Variants in FAM169A observed in about 807,000 individuals in gnomAD.
FAM169A encodes soluble lamin-associated protein of 75 kDa.
In FAM169A, 24 loss-of-function variants were observed where a neutral mutation model predicts 75.7. The observed-to-expected ratio is 0.32, with a 90% CI of 0.23 to 0.45. The LOEUF (loss-of-function observed/expected upper bound fraction) is 0.45, where lower values mean the gene tolerates loss of function less well. Ranked by LOEUF, FAM169A falls within the 20% of genes least tolerant of loss-of-function variation. FAM169A has a pLI of 1.00. For missense variants in FAM169A, 673 were observed against 784.0 expected (o/e 0.86, Z 1.69); for synonymous variants, 271 against 271.0 (o/e 1.00, Z 0.00).
chr5:74,793,096 G>A (rs1746061976), intron 11 of FAM169A, among the ~76,000 whole-genome samples: 1 of 152,112 alleles, frequency 6.6e-6, no homozygotes, highest in Non-Finnish European at 1.5e-5. Context: ...GGAGGCCGAG[G>A]TGGGTGGATC....
chr5:74,818,297 C>A (rs995816275), intron 5 of FAM169A, among the ~76,000 whole-genome samples: 1 of 151,716 alleles, frequency 6.6e-6, no homozygotes, highest in Non-Finnish European at 1.5e-5. Flanking sequence ...AGGGCTCTTA[C>A]AACTCAAAAA....
chr5:74,843,607 T>C (rs1479234376), intron 1 of FAM169A, among the ~76,000 whole-genome samples: 2 of 152,184 alleles, frequency 1.3e-5, no homozygotes, highest in African/African-American at 2.4e-5. Flanking sequence ...CATTGGTCTA[T>C]CTTATTTTTA....
At chr5:74,856,206 C>T (rs1405185687) in intron 1 of FAM169A, among the ~76,000 whole-genome samples, 1 of 152,138 alleles carries the variant, frequency 6.6e-6, no homozygotes, top group African/African-American at 2.4e-5. Context: ...AATCTGAGGT[C>T]AGATAATGTG....
At position 74,840,093 on chromosome 5, in the gene FAM169A, T is replaced by G; in HGVS notation, c.213A>C (p.Ala71=). ...DQTQKILALF[A]PEDSLTAVAL... is the part of the protein sequence containing the mutation. ...AGAGACCTGTCAGTGAATCTTCAGGTGCAAAGAGAGCAAGAATTTTCTGGG... is the reference window on the plus strand; with the variant it reads ...AGAGACCTGTCAGTGAATCTTCAGGGGCAAAGAGAGCAAGAATTTTCTGGG... The change falls in exon 3 of 13, where the codon GCA becomes GCC. Residue 71 remains alanine, a synonymous_variant. Coordinates refer to ENST00000687041, the MANE Select transcript of FAM169A (RefSeq NM_001376049.1). 6.3e-7 allele frequency: 1 copy of G among 1,586,838 alleles called. No homozygotes were observed. The highest frequency in any genetic ancestry group is 8.6e-7 in the Non-Finnish European group (1 of 1,164,538).
intron 1 of FAM169A, among the ~76,000 whole-genome samples, chr5:74,859,877 G>A (rs1221793541): frequency 6.6e-6 from 1 of 152,072 alleles, no homozygotes; most frequent in African/African-American, 2.4e-5. Context: ...GAACCTCAAC[G>A]AAGTGTCATA....
Position 74,804,475 on chromosome 5 carries a change from T to C in FAM169A, c.912+18A>G. ...AAAATTTTATATACAACAATAAACATATAGACAGTGTACCTACAGTTAGCT... is the reference window on the plus strand; with the variant it reads ...AAAATTTTATATACAACAATAAACACATAGACAGTGTACCTACAGTTAGCT... On this transcript the variant is annotated intron_variant, in intron 8 of 12. Transcript: ENST00000687041. The C allele has an allele frequency of 7.3e-7, 1 of 1,370,540 alleles. No homozygotes were observed. Among genetic ancestry groups the C allele is most frequent in the Non-Finnish European group, 1.0e-6 (1 of 980,280 alleles). 84.9% of individuals were successfully genotyped at this position (1,370,540 alleles called of 1,614,324 possible).
At position 74,807,850 on chromosome 5, in the gene FAM169A, G is replaced by A. The variant is rs182157130; in HGVS notation, c.671-2566C>T. ...CACACTAAATAAGGCTAGGCACAGC[G>A]GCTCACGCCTGTAATCCCAGCATTT... On this transcript the variant is annotated intron_variant, in intron 6 of 12. Coordinates refer to ENST00000687041, the MANE Select transcript of FAM169A (RefSeq NM_001376049.1). Among the ~76,000 whole-genome samples, 19 of 152,304 alleles carry A rather than the reference G, an allele frequency of 1.2e-4. No homozygotes were observed. The East Asian group carries it at 1.7e-3, about 14-fold the overall frequency.
rs770502833 is a variant in FAM169A at position 74,840,118 on chromosome 5, G to C, written c.188C>G (p.Thr63Ser). 4.4e-5 allele frequency: 70 copies of C among 1,601,370 alleles called. No homozygotes were observed. Among genetic ancestry groups the C allele is most frequent in the Non-Finnish European group, 5.8e-5 (68 of 1,173,988 alleles). ...TGCAAAGAGAGCAAGAATTTTCTGG[G>C]TCTGATCTCCACCATAAAGAGGTAC... ...GFVPLYGGDQ[T>S]QKILALFAPE... Residue 63 changes from threonine to serine, a missense_variant, in exon 3 of 13, where the codon ACC becomes AGC. Physicochemically the swap from Thr to Ser is moderately conservative, Grantham distance 58. Coordinates refer to ENST00000687041, the MANE Select transcript of FAM169A (RefSeq NM_001376049.1).
chr5:74,780,084 C>T lies in FAM169A; in HGVS notation c.*1376G>A, dbSNP rs1220354721. The T allele has an allele frequency of 1.3e-5, 2 of 152,112 alleles. No homozygotes were observed. The highest frequency in any genetic ancestry group is 2.9e-5 in the Non-Finnish European group (2 of 68,016). 9.4% of individuals were successfully genotyped at this position (152,112 alleles called of 1,614,324 possible). A position where few individuals can be genotyped will look rare whatever the true frequency, so the allele number is the denominator to read the frequency against. On this transcript the variant is annotated 3_prime_UTR_variant, in exon 13 of 13. Transcript: ENST00000687041. ...CTTTGGATTCTAATAACCATTTTGT[C>T]CATTTTTAAATAAATTACAAAAAAT...
chr5:74,818,803 C>CTATATATATATA (rs58520219), intron 5 of FAM169A, among the ~76,000 whole-genome samples: 2 of 121,622 alleles, frequency 1.6e-5, no homozygotes, highest in Non-Finnish European at 3.4e-5. Context: ...CTCTCTCTCT[C>CTATATATATATA]TATATATATA....
chr5:74,863,822 A>G (rs1436120043), intron 1 of FAM169A, among the ~76,000 whole-genome samples: 1 of 152,202 alleles, frequency 6.6e-6, no homozygotes, highest in Non-Finnish European at 1.5e-5. Flanking sequence ...GTATAATAAC[A>G]GAATCAATGT....
chr5:74,818,770 GCTCTCTCTCTCT>G (rs375359690), intron 5 of FAM169A, among the ~76,000 whole-genome samples: 3 of 134,268 alleles, frequency 2.2e-5, no homozygotes, highest in Admixed American at 7.5e-5. Context: ...CGGTTTCACA[GCTCTCTCTCTCT>G]CTCTCTCTCT....
intron 5 of FAM169A, among the ~76,000 whole-genome samples, chr5:74,827,464 C>T (rs917286227): frequency 4.6e-5 from 7 of 151,896 alleles, no homozygotes; most frequent in African/African-American, 1.5e-4. Context: ...TTTTTCTCTA[C>T]AAGAATATAT....
chr5:74,843,646 ACTT>A (rs1235760184), intron 1 of FAM169A, among the ~76,000 whole-genome samples: 3 of 152,270 alleles, frequency 2.0e-5, no homozygotes, highest in Admixed American at 6.5e-5. Flanking sequence ...CTCATTTTGA[ACTT>A]CTTATATTTG....
At chr5:74,799,291 A>G in intron 10 of FAM169A, 2 of 1,567,300 alleles carry the variant, frequency 1.3e-6, no homozygotes, top group South Asian at 2.2e-5. Flanking sequence ...TCGCACAGCT[A>G]CTTTTGTGAA....
chr5:74,828,638 T>C (rs1237591743), intron 5 of FAM169A, among the ~76,000 whole-genome samples: 1 of 152,226 alleles, frequency 6.6e-6, no homozygotes, highest in East Asian at 1.9e-4. Flanking sequence ...TTATAATGAC[T>C]GAACTTTTTA....
rs370653214 is a variant in FAM169A, at chr5:74,847,340, C to T, written c.-3-5661G>A. On this transcript the variant is annotated intron_variant, in intron 1 of 12. Transcript: ENST00000687041. Reference sequence around the variant, plus strand: ...TAACCTCTATTTTACTTCCTGTCTACGAATTGGACTATTCTAGGAACATTT... The same window carrying T: ...TAACCTCTATTTTACTTCCTGTCTATGAATTGGACTATTCTAGGAACATTT... 1.9e-3 allele frequency among the ~76,000 whole-genome samples: 285 copies of T among 151,264 alleles called. 1 individual carries two copies. The highest frequency in any genetic ancestry group is 9.3e-3 in the South Asian group (44 of 4,754).
intron 6 of FAM169A, among the ~76,000 whole-genome samples, chr5:74,811,988 A>G (rs1219205412): frequency 2.6e-5 from 4 of 152,258 alleles, no homozygotes; most frequent in African/African-American, 9.6e-5. Context: ...AGTTAGGTAC[A>G]GTACTCATCC....
At chr5:74,865,216 G>GA (rs1257372921) in intron 1 of FAM169A, 2 of 152,220 alleles carry the variant, frequency 1.3e-5, no homozygotes, top group Non-Finnish European at 2.9e-5. Context: ...CAGGAACCTT[G>GA]AAAATGACAA....
Sources: gnomAD v4.1 joint callset for allele counts (sites outside exome capture counted in the v4.1 genomes callset) on GRCh38, gnomAD v4.1.1 for gene constraint, MANE v1.5 for transcripts, NCBI Gene and HGNC (gene_info 2026-07-23, HGNC 2026-07-21) for gene names.